ABCA13: variants seen among roughly 807,000 people sequenced by gnomAD.
ABCA13 encodes ATP-binding cassette sub-family A member 13.
ABCA13 carries 476 observed loss-of-function variants against 478.7 expected under a neutral mutation model. The observed-to-expected ratio is 0.99, with a 90% CI of 0.92 to 1.07. The LOEUF (loss-of-function observed/expected upper bound fraction) is 1.07. Ranked by LOEUF, ABCA13 falls within the 50% of genes least tolerant of loss-of-function variation. The pLI, the probability that ABCA13 is intolerant of heterozygous loss-of-function variation, is 0.00. For synonymous variants in ABCA13, 2,252 were observed against 2,158.9 expected (o/e 1.04, Z -1.20); for missense variants, 6,060 against 5,910.6 (o/e 1.03, Z -0.83).
intron 3 of ABCA13, among the ~76,000 whole-genome samples, chr7:48,213,454 C>T (rs990628393): frequency 6.6e-6 from 1 of 152,326 alleles, no homozygotes; most frequent in Non-Finnish European, 1.5e-5. Flanking sequence ...AAAAAATGCT[C>T]ATGATCATCT....
chr7:48,410,538 C>A lies in ABCA13; in HGVS notation c.12089C>A (p.Thr4030Lys), dbSNP rs771640418. 12 of 1,613,940 alleles carry A rather than the reference C, an allele frequency of 7.4e-6. No homozygotes were observed. The Admixed American group carries it at 1.2e-4, about 16-fold the overall frequency. ...KYREGRTIIF[T>K]THHLDEAEAL... ...GACCCAGGTCGTACGATCATCTTCA[C>A]AACCCACCACCTGGATGAAGCTGAA... is the stretch of plus-strand genomic sequence containing the variant. The change falls in exon 40 of 62, where the codon ACA becomes AAA. Residue 4030 changes from threonine to lysine, a missense_variant. Thr to Lys is a moderately conservative substitution (Grantham distance 78, BLOSUM62 -1). Transcript: ENST00000435803.
chr7:48,493,794 G>T (rs1830041350), intron 48 of ABCA13, among the ~76,000 whole-genome samples: 2 of 152,184 alleles, frequency 1.3e-5, no homozygotes, highest in Admixed American at 1.3e-4. Flanking sequence ...TTCTGATTTG[G>T]TTGATTTGGA....
intron 56 of ABCA13, among the ~76,000 whole-genome samples, chr7:48,584,551 C>T (rs903367279): frequency 7.9e-5 from 12 of 152,046 alleles, no homozygotes; most frequent in Non-Finnish European, 1.5e-4. Flanking sequence ...TATATGTGGG[C>T]GTGTGAGTGT....
chr7:48,496,524 T>C (rs887266299), intron 48 of ABCA13, among the ~76,000 whole-genome samples: 2 of 152,166 alleles, frequency 1.3e-5, no homozygotes, highest in Admixed American at 1.3e-4. Context: ...TTTTAACGTA[T>C]CTTGATGTTC....
intron 43 of ABCA13, among the ~76,000 whole-genome samples, chr7:48,466,401 A>G (rs1826877796): frequency 2.0e-5 from 3 of 152,198 alleles, no homozygotes; most frequent in Admixed American, 6.5e-5. Flanking sequence ...TTTAATGTGT[A>G]CTTAAAGCAC....
chr7:48,610,907 C>G lies in ABCA13; in HGVS notation c.14745-4378C>G, dbSNP rs4917164. ...GCCTAGCCCACAAAATCATTCTTCC[C>G]TCCTAGGCTTCCAGGCCTATGATGC... On this transcript the variant is annotated intron_variant, in intron 58 of 61. Coordinates refer to ENST00000435803, the MANE Select transcript of ABCA13 (RefSeq NM_152701.5). 5.1e-3 allele frequency among the ~76,000 whole-genome samples: 774 copies of G among 152,264 alleles called. 8 individuals are homozygous for G. The highest frequency in any genetic ancestry group is 0.023 in the Admixed American group (354 of 15,298).
At chr7:48,450,397 A>G (rs1360194271) in intron 42 of ABCA13, among the ~76,000 whole-genome samples, 1 of 152,200 alleles carries the variant, frequency 6.6e-6, no homozygotes, top group Non-Finnish European at 1.5e-5. Flanking sequence ...AAGAAGAATA[A>G]AAGAGTCATA....
At chr7:48,634,620 T>G (rs1024286352) in intron 59 of ABCA13, among the ~76,000 whole-genome samples, 1 of 152,198 alleles carries the variant, frequency 6.6e-6, no homozygotes, top group Non-Finnish European at 1.5e-5. Context: ...TGTTTTTATA[T>G]TCTTGATTTT....
rs1222300463 is a variant in ABCA13 at position 48,279,146 on chromosome 7, A to G, written c.7952A>G (p.Asp2651Gly). 3 of 1,606,854 alleles carry G rather than the reference A, an allele frequency of 1.9e-6. No individual in the cohort carries two copies. The highest frequency in any genetic ancestry group is 2.5e-6 in the Non-Finnish European group (3 of 1,176,898). ...FLTSVKMNLEDMRSLAVAFNN... is the reference protein window; with the variant it reads ...FLTSVKMNLEGMRSLAVAFNN... ...ACATCTGTGAAAATGAACTTGGAAG[A>G]TATGAGGAGTCTTGCGGTAGCATTT... Residue 2651 changes from aspartate to glycine, a missense_variant, in exon 18 of 62, where the codon GAT (aspartate) becomes GGT (glycine). Transcript: ENST00000435803.
At chr7:48,482,463 C>T (rs936615996) in intron 46 of ABCA13, among the ~76,000 whole-genome samples, 3 of 151,964 alleles carry the variant, frequency 2.0e-5, no homozygotes, top group South Asian at 2.1e-4. Flanking sequence ...CTGTAACCTC[C>T]GCCTCCCAGG....
intron 59 of ABCA13, among the ~76,000 whole-genome samples, chr7:48,623,135 A>G (rs528787226): frequency 3.9e-5 from 6 of 152,206 alleles, no homozygotes; most frequent in African/African-American, 1.4e-4. Context: ...CTCTCGCTGC[A>G]TCTTCAATGG....
chr7:48,596,214 G>A (rs1790264955), intron 58 of ABCA13, among the ~76,000 whole-genome samples: 1 of 152,184 alleles, frequency 6.6e-6, no homozygotes, highest in South Asian at 2.1e-4. Context: ...TCATGTCAAA[G>A]TAGACTTTTC....
At chr7:48,294,558 T>G (rs990822733) in intron 20 of ABCA13, among the ~76,000 whole-genome samples, 1 of 151,148 alleles carries the variant, frequency 6.6e-6, no homozygotes, top group Admixed American at 6.6e-5. Flanking sequence ...GCCATTCTCC[T>G]GCCTCAGCCT....
chr7:48,305,477 TTG>T (rs1280925555), intron 23 of ABCA13, among the ~76,000 whole-genome samples: 1 of 152,206 alleles, frequency 6.6e-6, no homozygotes, highest in African/African-American at 2.4e-5. Flanking sequence ...GCTCCTTTCA[TTG>T]TCTTGTCTTA....
intron 57 of ABCA13, among the ~76,000 whole-genome samples, chr7:48,592,984 A>G (rs1290933025): frequency 6.6e-6 from 1 of 151,986 alleles, no homozygotes; most frequent in African/African-American, 2.4e-5. Flanking sequence ...AGTCTCTTGC[A>G]AACAGCATAA....
intron 59 of ABCA13, among the ~76,000 whole-genome samples, chr7:48,636,917 A>C (rs183286182): frequency 4.1e-4 from 62 of 152,254 alleles, no homozygotes; most frequent in African/African-American, 1.3e-3. Context: ...GGGAGGTTGA[A>C]TCTTAAAGCA....
intron 59 of ABCA13, among the ~76,000 whole-genome samples, chr7:48,628,316 G>A (rs1056319957): frequency 6.6e-6 from 1 of 152,196 alleles, no homozygotes; most frequent in Non-Finnish European, 1.5e-5. Flanking sequence ...AGTAAGAAGA[G>A]ATGTCCACAA....
At chr7:48,199,144 A>G (rs987564103) in intron 3 of ABCA13, among the ~76,000 whole-genome samples, 1 of 152,224 alleles carries the variant, frequency 6.6e-6, no homozygotes, top group Non-Finnish European at 1.5e-5. Flanking sequence ...TGTAAAGCAA[A>G]TGTTGACATA....
At chr7:48,347,627 G>A (rs1484008329) in intron 29 of ABCA13, among the ~76,000 whole-genome samples, 3 of 152,222 alleles carry the variant, frequency 2.0e-5, no homozygotes, top group African/African-American at 7.2e-5. Flanking sequence ...TGTTCCCACA[G>A]CAGATAAATT....
Sources: allele counts gnomAD v4.1 joint callset (sites outside exome capture counted in the v4.1 genomes callset), GRCh38; gene constraint gnomAD v4.1.1; transcripts MANE v1.5; gene names NCBI Gene and HGNC (gene_info 2026-07-23, HGNC 2026-07-21).